SOX5: variants seen among roughly 807,000 people sequenced by gnomAD.
The protein encoded by SOX5 is transcription factor SOX-5.
A neutral mutation model predicts 92.0 loss-of-function variants in SOX5; 9 were observed. The observed-to-expected ratio is 0.10, with a 90% CI of 0.06 to 0.17. The LOEUF (loss-of-function observed/expected upper bound fraction) is 0.17, where lower values mean the gene tolerates loss of function less well. Ranked by LOEUF, SOX5 falls within the 10% of genes least tolerant of loss-of-function variation. The pLI, the probability that SOX5 is intolerant of heterozygous loss-of-function variation, is 1.00. For missense variants in SOX5, 642 were observed against 944.5 expected (o/e 0.68, Z 4.20); for synonymous variants, 344 against 336.3 (o/e 1.02, Z -0.25).
chr12:24,095,456 T>TTTATTTAG (rs1945289270), intron 4 of SOX5, among the ~76,000 whole-genome samples: 1 of 139,964 alleles, frequency 7.1e-6, no homozygotes, highest in Non-Finnish European at 1.6e-5. Flanking sequence ...TATTTATTTA[T>TTTATTTAG]TTATTTAATT....
At chr12:23,997,533 T>C (rs1034543168) in intron 4 of SOX5, among the ~76,000 whole-genome samples, 2 of 152,152 alleles carry the variant, frequency 1.3e-5, no homozygotes, top group Non-Finnish European at 2.9e-5. Flanking sequence ...TCTTGGGGGT[T>C]GGGAAGGCTG....
At chr12:24,043,637 T>G (rs1956728812) in intron 4 of SOX5, among the ~76,000 whole-genome samples, 1 of 152,186 alleles carries the variant, frequency 6.6e-6, no homozygotes, top group Non-Finnish European at 1.5e-5. Context: ...GTTTTTAGTA[T>G]CCTAACAAGA....
At chr12:24,558,664 C>T (rs971477998) in intron 1 of SOX5, among the ~76,000 whole-genome samples, 2 of 152,110 alleles carry the variant, frequency 1.3e-5, no homozygotes, top group South Asian at 2.1e-4. Context: ...TTCATGCAAA[C>T]GAACTCTTGG....
At chr12:24,369,545 T>A (rs1303619446) in intron 1 of SOX5, among the ~76,000 whole-genome samples, 2 of 152,216 alleles carry the variant, frequency 1.3e-5, no homozygotes, top group Non-Finnish European at 2.9e-5. Context: ...CCTGACTCCA[T>A]GGTGAGGACA....
chr12:24,355,280 ATCTTTTTTTTTT>A (rs1954665790), intron 2 of SOX5, among the ~76,000 whole-genome samples: 2 of 84,034 alleles, frequency 2.4e-5, no homozygotes, highest in African/African-American at 5.8e-5. Context: ...TGAGGGGTGC[ATCTTTTTTTTTT>A]TTTTTTTTTT....
chr12:24,501,425 C>T (rs928105716), intron 1 of SOX5, among the ~76,000 whole-genome samples: 4 of 150,794 alleles, frequency 2.7e-5, no homozygotes, highest in Admixed American at 6.6e-5. Context: ...ATACTCCAAA[C>T]GCATGTATAT....
chr12:23,681,655 C>A (rs898055584), intron 6 of SOX5, among the ~76,000 whole-genome samples: 1 of 151,626 alleles, frequency 6.6e-6, no homozygotes, highest in Admixed American at 6.6e-5. Flanking sequence ...GGATACGGAG[C>A]TTCTATTATA....
At chr12:23,578,624 T>C (rs1949605700) in intron 9 of SOX5, among the ~76,000 whole-genome samples, 1 of 152,154 alleles carries the variant, frequency 6.6e-6, no homozygotes, top group African/African-American at 2.4e-5. Context: ...AACACTCATA[T>C]GCATAATAAA....
chr12:24,253,293 T>C (rs1237553436), intron 3 of SOX5, among the ~76,000 whole-genome samples: 3 of 151,576 alleles, frequency 2.0e-5, no homozygotes, highest in Non-Finnish European at 4.4e-5. Context: ...TTTTTACTTC[T>C]TTATCCTGTA....
chr12:24,165,899 AATAG>A (rs909272652), intron 4 of SOX5, among the ~76,000 whole-genome samples: 12 of 152,194 alleles, frequency 7.9e-5, no homozygotes, highest in East Asian at 5.8e-4. Context: ...TGTGATGGAA[AATAG>A]ATATATATAT....
chr12:24,509,323 A>G (rs760379775), intron 1 of SOX5, among the ~76,000 whole-genome samples: 3 of 152,124 alleles, frequency 2.0e-5, no homozygotes, highest in Non-Finnish European at 4.4e-5. Flanking sequence ...CTTCTGCTAT[A>G]CTCACTCTCT....
chr12:23,715,820 A>ACAAAAAAAAAC (rs200437009), intron 6 of SOX5, among the ~76,000 whole-genome samples: 14 of 149,996 alleles, frequency 9.3e-5, no homozygotes, highest in African/African-American at 3.5e-4. Flanking sequence ...AAAAAAAAAA[A>ACAAAAAAAAAC]AAAAAAAAAA....
chr12:24,440,706 C>T (rs1326310582), intron 1 of SOX5, among the ~76,000 whole-genome samples: 1 of 151,374 alleles, frequency 6.6e-6, no homozygotes. Context: ...CCATACTCTT[C>T]ATCAGTCTTA....
chr12:23,992,326 T>C (rs138248553), intron 4 of SOX5, among the ~76,000 whole-genome samples: 19 of 152,214 alleles, frequency 1.2e-4, no homozygotes, highest in East Asian at 1.2e-3. Flanking sequence ...CAGAAACTAA[T>C]GTGCCACAAA....
intron 1 of SOX5, among the ~76,000 whole-genome samples, chr12:24,558,416 A>G (rs1000470604): frequency 6.6e-6 from 1 of 152,172 alleles, no homozygotes. Context: ...ACCCTGACTC[A>G]ATTTTAAAGA....
chr12:24,378,143 T>C (rs1268682549), intron 1 of SOX5, among the ~76,000 whole-genome samples: 1 of 152,232 alleles, frequency 6.6e-6, no homozygotes, highest in Non-Finnish European at 1.5e-5. Flanking sequence ...GCTTCATCAT[T>C]GATAGTTGAG....
chr12:23,540,209 G>A (rs1313266645), intron 13 of SOX5, among the ~76,000 whole-genome samples: 2 of 151,716 alleles, frequency 1.3e-5, no homozygotes, highest in Non-Finnish European at 2.9e-5. Context: ...AAAGGTTGTC[G>A]TTTTAGAATA....
At chr12:24,376,674 G>A (rs1957290566) in intron 1 of SOX5, among the ~76,000 whole-genome samples, 2 of 127,124 alleles carry the variant, frequency 1.6e-5, no homozygotes, top group African/African-American at 5.9e-5. Flanking sequence ...TCAGAATGAT[G>A]CTATGGGAGA....
intron 6 of SOX5, among the ~76,000 whole-genome samples, chr12:23,710,475 G>C (rs969514507): frequency 7.2e-5 from 11 of 152,090 alleles, no homozygotes; most frequent in Admixed American, 5.9e-4. Flanking sequence ...CCACCTATGA[G>C]TGAGAACATG....
Sources: allele counts gnomAD v4.1 joint callset (sites outside exome capture counted in the v4.1 genomes callset), GRCh38; gene constraint gnomAD v4.1.1; transcripts MANE v1.5; gene names NCBI Gene and HGNC (gene_info 2026-07-23, HGNC 2026-07-21).